The following CALD1 variants were observed in gnomAD, a reference collection of about 807,000 sequenced individuals.
CALD1 encodes caldesmon.
CALD1 carries 33 observed loss-of-function variants against 99.9 expected under a neutral mutation model. That is an observed-to-expected ratio of 0.33 (90% CI 0.25 to 0.44). CALD1 has a LOEUF of 0.44. Ranked by LOEUF, CALD1 falls within the 20% of genes least tolerant of loss-of-function variation. The probability of loss-of-function intolerance (pLI) is 1.00; values close to 1 mark genes in which losing one functional copy is unlikely to be tolerated. For missense variants in CALD1, 861 were observed against 962.1 expected, an observed-to-expected ratio of 0.89 and a Z score of 1.39; for synonymous variants, 310 against 325.0, an observed-to-expected ratio of 0.95 and a Z score of 0.50.
rs527829269 is a variant in CALD1 at position 134,818,499 on chromosome 7, C to T, written c.-129-25385C>T. Among the ~76,000 whole-genome samples, 30 of 152,062 alleles carry T rather than the reference C, an allele frequency of 2.0e-4. 1 individual carries two copies. The highest frequency in any genetic ancestry group is 6.8e-4 in the African/African-American group (28 of 41,476). On this transcript the variant is annotated intron_variant, in intron 1 of 14. Transcript: ENST00000361675. ...TTTGAAGGGTTCAGTGTTTATTCGG[C>T]GGAGGTTTATGTCAATTATTTAATC...
chr7:134,929,355 C>T (rs78454739), intron 4 of CALD1, among the ~76,000 whole-genome samples: 4,287 of 151,668 alleles, frequency 0.028, 194 homozygotes, highest in African/African-American at 0.098. Flanking sequence ...CCGAGCAGTA[C>T]ACACCACGCC....
At chr7:134,960,492 T>C in intron 12 of CALD1, 41 bp from the exon 13 acceptor site, 1 of 1,189,216 alleles carries the variant, frequency 8.4e-7, no homozygotes, top group Non-Finnish European at 1.2e-6. Context: ...AGGTAAAGTT[T>C]ACTTCATTCT....
intron 1 of CALD1, among the ~76,000 whole-genome samples, chr7:134,821,618 C>T (rs12671197): frequency 0.25 from 27,094 of 107,642 alleles, 4,299 homozygotes; most frequent in East Asian, 0.55. Context: ...AGTCTCGCTC[C>T]GTCACCCAGG....
intron 1 of CALD1, among the ~76,000 whole-genome samples, chr7:134,814,661 T>C (rs1480107765): frequency 6.6e-6 from 1 of 152,176 alleles, no homozygotes. Flanking sequence ...ATTTATTCCA[T>C]ACCTTGTTTA....
chr7:134,830,400 A>AT (rs368872287), intron 1 of CALD1, among the ~76,000 whole-genome samples: 14 of 148,958 alleles, frequency 9.4e-5, no homozygotes, highest in South Asian at 8.6e-4. Flanking sequence ...TTAGATCTTT[A>AT]TTTTTTTTTT....
intron 3 of CALD1, among the ~76,000 whole-genome samples, chr7:134,873,174 A>G (rs1801180021): frequency 6.6e-6 from 1 of 150,676 alleles, no homozygotes; most frequent in South Asian, 2.1e-4. Context: ...GCGACAGAGC[A>G]AAAACAAACA....
At chr7:134,815,564 T>C (rs1798527323) in intron 1 of CALD1, among the ~76,000 whole-genome samples, 1 of 152,200 alleles carries the variant, frequency 6.6e-6, no homozygotes, top group African/African-American at 2.4e-5. Flanking sequence ...CATTCACCTA[T>C]CTGAAGTCTC....
chr7:134,956,187 AC>A (rs1273036708), intron 9 of CALD1, among the ~76,000 whole-genome samples: 2 of 152,140 alleles, frequency 1.3e-5, no homozygotes, highest in African/African-American at 4.8e-5. Context: ...AAATGCTCTT[AC>A]TAGTATCTAT....
chr7:134,711,625 A>C, the CALD1 span, among the ~76,000 whole-genome samples: 2 of 64,716 alleles, frequency 3.1e-5, no homozygotes, highest in South Asian at 5.4e-4. Flanking sequence ...AATCAACCTC[A>C]GCTTCTCTCT....
chr7:134,900,110 A>G (rs1336798542), intron 3 of CALD1: 1 of 152,218 alleles, frequency 6.6e-6, no homozygotes, highest in Non-Finnish European at 1.5e-5. Flanking sequence ...GAAGAAAATA[A>G]TTCCCTTTTG....
chr7:134,725,228 C>T, the CALD1 span, among the ~76,000 whole-genome samples: 22 of 152,298 alleles, frequency 1.4e-4, no homozygotes, highest in Admixed American at 2.6e-4. Flanking sequence ...GTAAGCCTTT[C>T]CTTAATTCAA....
intron 2 of CALD1, among the ~76,000 whole-genome samples, chr7:134,847,924 A>T (rs772235296): frequency 6.6e-6 from 1 of 152,200 alleles, no homozygotes; most frequent in African/African-American, 2.4e-5. Context: ...ACCAAAAACT[A>T]TCAAGCCTTT....
At chr7:134,806,804 T>C (rs1409339362) in intron 1 of CALD1, among the ~76,000 whole-genome samples, 1 of 152,224 alleles carries the variant, frequency 6.6e-6, no homozygotes, top group African/African-American at 2.4e-5. Flanking sequence ...CTTATTTTTC[T>C]ATATCTGTCC....
intron 2 of CALD1, among the ~76,000 whole-genome samples, chr7:134,864,260 T>C (rs1218703053): frequency 6.6e-6 from 1 of 151,732 alleles, no homozygotes; most frequent in Non-Finnish European, 1.5e-5. Flanking sequence ...AGCAGGAGAA[T>C]TTCTCGAACC....
the CALD1 span, among the ~76,000 whole-genome samples, chr7:134,713,683 T>C: frequency 0.29 from 44,714 of 152,022 alleles, 7,742 homozygotes; most frequent in East Asian, 0.65. Context: ...AAGAAACTCA[T>C]TGATTTTAGT....
intron 1 of CALD1, among the ~76,000 whole-genome samples, chr7:134,811,385 G>A (rs1413434789): frequency 6.6e-6 from 1 of 152,112 alleles, no homozygotes; most frequent in Non-Finnish European, 1.5e-5. Flanking sequence ...CAGGCTAATG[G>A]TAGTGGACTG....
At chr7:134,802,110 G>GTA (rs60652336) in intron 1 of CALD1, among the ~76,000 whole-genome samples, 2,171 of 150,690 alleles carry the variant, frequency 0.014, 21 homozygotes, top group Middle Eastern at 0.038. Flanking sequence ...TATGTGTGTA[G>GTA]TATATATATA....
chr7:134,735,563 C>CTG, the CALD1 span, among the ~76,000 whole-genome samples: 22,255 of 137,252 alleles, frequency 0.16, 2,116 homozygotes, highest in East Asian at 0.29. Context: ...CCCCACTACC[C>CTG]TCTGTGTGTG....
At chr7:134,717,981 A>G in the CALD1 span, among the ~76,000 whole-genome samples, 2 of 152,162 alleles carry the variant, frequency 1.3e-5, no homozygotes, top group African/African-American at 4.8e-5. Context: ...CTTGTCATGG[A>G]AAAAAAACAA....
Sources: allele counts gnomAD v4.1 joint callset (sites outside exome capture counted in the v4.1 genomes callset), GRCh38; gene constraint gnomAD v4.1.1; transcripts MANE v1.5; gene names NCBI Gene and HGNC (gene_info 2026-07-23, HGNC 2026-07-21).